The following STK32B variants were observed in gnomAD, a reference collection of about 807,000 sequenced individuals.
STK32B encodes serine/threonine-protein kinase 32B.
STK32B carries 43 observed loss-of-function variants against 52.6 expected under a neutral mutation model. That is an observed-to-expected ratio of 0.82 (90% CI 0.64 to 1.05). The LOEUF is 1.05. Ranked by LOEUF, STK32B falls within the 50% of genes least tolerant of loss-of-function variation. The pLI, the probability that STK32B is intolerant of heterozygous loss-of-function variation, is 0.00. For synonymous variants in STK32B, 238 were observed against 204.3 expected (o/e 1.17, Z -1.41); for missense variants, 621 against 534.6 (o/e 1.16, Z -1.59).
At chr4:5,450,037 G>A (rs1427630080) in intron 7 of STK32B, among the ~76,000 whole-genome samples, 3 of 152,172 alleles carry the variant, frequency 2.0e-5, no homozygotes, top group Admixed American at 1.3e-4. Context: ...GGAAAAAAAT[G>A]TCTTCCACAA....
intron 11 of STK32B, among the ~76,000 whole-genome samples, chr4:5,468,783 C>T (rs1185945883): frequency 6.6e-6 from 1 of 152,192 alleles, no homozygotes; most frequent in East Asian, 1.9e-4. Context: ...CTAGAGGAGG[C>T]CGGGCGCGGT....
intron 3 of STK32B, among the ~76,000 whole-genome samples, chr4:5,313,266 C>G (rs115490191): frequency 0.012 from 1,892 of 152,004 alleles, 31 homozygotes; most frequent in African/African-American, 0.041. Flanking sequence ...CCATGTTCAA[C>G]AAGCTAAAGA....
chr4:5,030,361 G>A, the STK32B span, among the ~76,000 whole-genome samples: 38 of 152,228 alleles, frequency 2.5e-4, no homozygotes, highest in African/African-American at 7.9e-4. Flanking sequence ...GGTCATCTCC[G>A]GATCCCCCAG....
At chr4:5,439,379 T>C (rs1044391727) in intron 6 of STK32B, among the ~76,000 whole-genome samples, 2 of 151,954 alleles carry the variant, frequency 1.3e-5, no homozygotes, top group East Asian at 1.9e-4. Flanking sequence ...TTTCATGTGT[T>C]TTTTGGCTGC....
chr4:5,220,555 C>T (rs894808558), intron 3 of STK32B, among the ~76,000 whole-genome samples: 2 of 152,096 alleles, frequency 1.3e-5, no homozygotes, highest in African/African-American at 4.8e-5. Context: ...CTTGCAGTAA[C>T]AAAATTATAA....
intron 3 of STK32B, among the ~76,000 whole-genome samples, chr4:5,236,401 G>A (rs1868048): frequency 0.31 from 47,769 of 151,894 alleles, 12,834 homozygotes; most frequent in African/African-American, 0.72. Flanking sequence ...ATAAGTGTAC[G>A]GCTTAAAGAA....
At chr4:5,317,224 T>TATAACATATATTA (rs1491141469) in intron 3 of STK32B, among the ~76,000 whole-genome samples, 6 of 38,676 alleles carry the variant, frequency 1.6e-4, no homozygotes, top group South Asian at 1.1e-3. Flanking sequence ...CATATATATA[T>TATAACATATATTA]TATATATAAC....
chr4:5,251,601 T>A (rs1277796710), intron 3 of STK32B, among the ~76,000 whole-genome samples: 1 of 152,206 alleles, frequency 6.6e-6, no homozygotes. Flanking sequence ...ATAATTTTTT[T>A]AATTCCATGA....
At chr4:5,371,636 G>C (rs540763632) in intron 4 of STK32B, among the ~76,000 whole-genome samples, 63 of 152,264 alleles carry the variant, frequency 4.1e-4, no homozygotes, top group Middle Eastern at 3.4e-3. Flanking sequence ...TGCTCTGCGT[G>C]CCAAGCAAAC....
In STK32B at chr4:5,357,022, T is replaced by TAC. The variant is rs550771167; in HGVS notation, c.434+25647_434+25648dup. ...TCTCATATGTGTATATATATATATA[T>TAC]ACACACACACACACACACATATATA... is the stretch of plus-strand genomic sequence containing the variant. On this transcript the variant is annotated intron_variant, in intron 4 of 11. Transcript: ENST00000282908. 9.5e-3 allele frequency among the ~76,000 whole-genome samples: 1,387 copies of TAC among 145,556 alleles called. 10 individuals are homozygous for TAC. Among genetic ancestry groups the TAC allele is most frequent in the South Asian group, 0.024 (110 of 4,630 alleles).
At chr4:5,256,887 G>T (rs1726339424) in intron 3 of STK32B, among the ~76,000 whole-genome samples, 1 of 152,198 alleles carries the variant, frequency 6.6e-6, no homozygotes, top group Non-Finnish European at 1.5e-5. Flanking sequence ...TATTGGGGCT[G>T]CCTTGACTCC....
At chr4:5,291,233 T>G (rs1728875036) in intron 3 of STK32B, among the ~76,000 whole-genome samples, 1 of 152,170 alleles carries the variant, frequency 6.6e-6, no homozygotes, top group Non-Finnish European at 1.5e-5. Flanking sequence ...AAAATAATTG[T>G]GTTGAATCTG....
intron 1 of STK32B, among the ~76,000 whole-genome samples, chr4:5,136,451 C>G (rs962166559): frequency 6.6e-6 from 1 of 152,230 alleles, no homozygotes; most frequent in East Asian, 1.9e-4. Context: ...TCCGATCACT[C>G]TGCTAGCCCA....
chr4:5,091,688 C>T (rs918017074), intron 1 of STK32B, among the ~76,000 whole-genome samples: 2 of 152,292 alleles, frequency 1.3e-5, no homozygotes, highest in Middle Eastern at 3.4e-3. Flanking sequence ...GATAGAATTA[C>T]AGTATGATTT....
chr4:5,019,526 T>G, the STK32B span: 1 of 1,349,728 alleles, frequency 7.4e-7, no homozygotes, highest in African/African-American at 1.5e-5. Context: ...ACGCCTCCAC[T>G]TCCTGTGGGG....
intron 4 of STK32B, among the ~76,000 whole-genome samples, chr4:5,339,402 C>T (rs1463299724): frequency 1.3e-5 from 2 of 152,150 alleles, no homozygotes; most frequent in African/African-American, 2.4e-5. Flanking sequence ...TTTGAGTCAG[C>T]GTTTTTTACC....
At chr4:5,084,243 C>T (rs2108777718) in intron 1 of STK32B, among the ~76,000 whole-genome samples, 1 of 152,278 alleles carries the variant, frequency 6.6e-6, no homozygotes, top group South Asian at 2.1e-4. Context: ...ATTTTGACTT[C>T]ACTTCTTTGT....
rs190910094 is a variant in STK32B at position 5,475,980 on chromosome 4, C to T, written c.1106+7910C>T. Among the ~76,000 whole-genome samples the T allele has an allele frequency of 3.2e-4, 48 of 151,946 alleles. No homozygotes were observed. In the East Asian group the frequency reaches 3.3e-3, roughly 11 times the overall value. On this transcript the variant is annotated intron_variant, in intron 11 of 11. Coordinates refer to ENST00000282908, the MANE Select transcript of STK32B (RefSeq NM_018401.3). ...CGCAATCTTGGCTCACTGCAACCTC[C>T]GCCTCCCAGGTTCAAGCGATTCTCC... is the stretch of plus-strand genomic sequence containing the variant.
chr4:5,134,650 C>A (rs1324900654), intron 1 of STK32B, among the ~76,000 whole-genome samples: 1 of 152,228 alleles, frequency 6.6e-6, no homozygotes, highest in African/African-American at 2.4e-5. Flanking sequence ...TTATTCAAAA[C>A]AATTTTAATC....
Sources: gnomAD v4.1 joint callset for allele counts (sites outside exome capture counted in the v4.1 genomes callset) on GRCh38, gnomAD v4.1.1 for gene constraint, MANE v1.5 for transcripts, NCBI Gene and HGNC (gene_info 2026-07-23, HGNC 2026-07-21) for gene names.